Variants in RTN4 observed in about 807,000 individuals in gnomAD.
RTN4 encodes the protein reticulon-4.
A neutral mutation model predicts 90.4 loss-of-function variants in RTN4; 32 were observed. That is an observed-to-expected ratio of 0.35 (90% CI 0.27 to 0.48). The LOEUF (loss-of-function observed/expected upper bound fraction) is 0.48. RTN4 is among the 20% of genes least tolerant of loss of function. The probability of loss-of-function intolerance (pLI) is 0.99; values close to 1 mark genes in which losing one functional copy is unlikely to be tolerated. For synonymous variants in RTN4, 629 were observed against 552.5 expected (o/e 1.14, Z -1.94); for missense variants, 1,706 against 1,430.2 (o/e 1.19, Z -3.11).
chr2:55,037,232 T>C (rs1682753894), intron 1 of RTN4, among the ~76,000 whole-genome samples: 1 of 152,200 alleles, frequency 6.6e-6, no homozygotes, highest in African/African-American at 2.4e-5. Context: ...TTACAGATGA[T>C]CTAAACAACA....
chr2:55,093,353 ATG>A (rs1176927734), intron 1 of RTN4, among the ~76,000 whole-genome samples: 1 of 150,602 alleles, frequency 6.6e-6, no homozygotes, highest in Admixed American at 6.6e-5. Flanking sequence ...ACATAAACAT[ATG>A]TGTGTATTTT....
At chr2:54,973,733 C>CAT in intron 7 of RTN4, 88 bp downstream of exon 7, 1 of 1,495,650 alleles carries the variant, frequency 6.7e-7, no homozygotes, top group African/African-American at 1.4e-5. Context: ...TTTTGTAAGA[C>CAT]ATTGAAAATG....
rs940141557 is a variant in RTN4 at position 55,049,899 on chromosome 2, A to C, written c.402T>G (p.Pro134=). The C allele has an allele frequency of 1.5e-6, 2 of 1,328,844 alleles. No homozygotes were observed. Among genetic ancestry groups the C allele is most frequent in the Non-Finnish European group, 9.6e-7 (1 of 1,044,770 alleles). 82.3% of individuals were successfully genotyped at this position (1,328,844 alleles called of 1,614,324 possible). A position where few individuals can be genotyped will look rare whatever the true frequency, so the allele number is the denominator to read the frequency against. The change falls in exon 1 of 9, where the codon CCT becomes CCG. Residue 134 remains proline (P), a synonymous_variant. Coordinates refer to ENST00000337526, the MANE Select transcript of RTN4 (RefSeq NM_020532.5). ...SAAAVSPSKL[P]EDDEPPARPP... Reference sequence around the variant, plus strand: ...GCCGGGCCGGAGGCTCGTCGTCCTCAGGGAGCTTGGAGGGCGAGACTGCGG... The same window carrying C: ...GCCGGGCCGGAGGCTCGTCGTCCTCCGGGAGCTTGGAGGGCGAGACTGCGG...
chr2:55,129,983 C>T, the RTN4 span, among the ~76,000 whole-genome samples: 1 of 152,212 alleles, frequency 6.6e-6, no homozygotes, highest in African/African-American at 2.4e-5. Flanking sequence ...GCTCTTTGAT[C>T]CTACATTCTA....
At chr2:55,068,519 T>G (rs531350976) in intron 2 of RTN4, among the ~76,000 whole-genome samples, 1 of 152,126 alleles carries the variant, frequency 6.6e-6, no homozygotes, top group African/African-American at 2.4e-5. Flanking sequence ...AAACCCAAAT[T>G]TTATCTTTAA....
At chr2:55,135,617 G>A in the RTN4 span, among the ~76,000 whole-genome samples, 3 of 152,104 alleles carry the variant, frequency 2.0e-5, no homozygotes, top group Admixed American at 1.3e-4. Context: ...ACAATAAACT[G>A]CACAACTTGG....
At chr2:55,136,203 A>C in the RTN4 span, among the ~76,000 whole-genome samples, 1 of 152,232 alleles carries the variant, frequency 6.6e-6, no homozygotes, top group African/African-American at 2.4e-5. Context: ...GCAACAGGGC[A>C]AAGTTTCACT....
At chr2:55,017,269 T>TATATA (rs1177770350) in intron 3 of RTN4, among the ~76,000 whole-genome samples, 2 of 152,170 alleles carry the variant, frequency 1.3e-5, no homozygotes, top group Admixed American at 1.3e-4. Flanking sequence ...ACTCAAAGGC[T>TATATA]ATATATACTT....
intron 3 of RTN4, among the ~76,000 whole-genome samples, chr2:55,011,536 G>A (rs946410808): frequency 2.6e-5 from 4 of 152,074 alleles, no homozygotes; most frequent in Admixed American, 2.0e-4. Context: ...AATACTATAA[G>A]ATACGTAGCC....
At chr2:55,103,543 G>A (rs1024981905) in intron 1 of RTN4, among the ~76,000 whole-genome samples, 6 of 151,948 alleles carry the variant, frequency 3.9e-5, no homozygotes, top group Admixed American at 3.9e-4. Flanking sequence ...AACTTTAGGA[G>A]GTGATGAATA....
intron 5 of RTN4, among the ~76,000 whole-genome samples, chr2:54,977,769 CTA>C: frequency 6.6e-6 from 1 of 152,290 alleles, no homozygotes. Context: ...GTTGCTCACT[CTA>C]TAAATACTTG....
chr2:55,136,299 T>C, the RTN4 span, among the ~76,000 whole-genome samples: 4 of 152,190 alleles, frequency 2.6e-5, no homozygotes, highest in African/African-American at 4.8e-5. Context: ...TAAACACCTG[T>C]GCACACGGCC....
intron 1 of RTN4, among the ~76,000 whole-genome samples, chr2:55,033,603 T>G (rs1485015828): frequency 6.6e-6 from 1 of 152,198 alleles, no homozygotes; most frequent in Non-Finnish European, 1.5e-5. Context: ...ATCGAGTGTT[T>G]TTAACCACAA....
intron 3 of RTN4, among the ~76,000 whole-genome samples, chr2:55,004,671 T>C (rs1434000212): frequency 6.6e-6 from 1 of 152,120 alleles, no homozygotes; most frequent in Non-Finnish European, 1.5e-5. Context: ...GGCTGAACAA[T>C]GGAGTTCTCA....
At chr2:55,085,477 C>T (rs1226394469) in intron 1 of RTN4, among the ~76,000 whole-genome samples, 1 of 152,174 alleles carries the variant, frequency 6.6e-6, no homozygotes, top group African/African-American at 2.4e-5. Context: ...GGCAGAATTT[C>T]TTTCTCCTCA....
intron 2 of RTN4, among the ~76,000 whole-genome samples, chr2:55,063,667 G>T (rs558936943): frequency 6.6e-6 from 1 of 151,948 alleles, no homozygotes; most frequent in Non-Finnish European, 1.5e-5. Context: ...GATCACCTGA[G>T]GTCAGCAGTT....
chr2:55,060,838 T>A (rs1668276698), intron 2 of RTN4: 2 of 152,298 alleles, frequency 1.3e-5, no homozygotes, highest in East Asian at 3.8e-4. Context: ...GAGGATTACT[T>A]GAGCCTACGA....
At chr2:55,118,798 C>T in the RTN4 span, among the ~76,000 whole-genome samples, 3 of 152,182 alleles carry the variant, frequency 2.0e-5, no homozygotes, top group African/African-American at 7.2e-5. Context: ...AGGACGCAAC[C>T]GTTCTGTTCC....
chr2:55,115,862 T>C (rs1043764297), upstream of RTN4, among the ~76,000 whole-genome samples: 2 of 152,182 alleles, frequency 1.3e-5, no homozygotes, highest in Non-Finnish European at 2.9e-5. Context: ...CTTTATGCCA[T>C]CCTCTTATGA....
Sources: gnomAD v4.1 joint callset for allele counts (sites outside exome capture counted in the v4.1 genomes callset) on GRCh38, gnomAD v4.1.1 for gene constraint, MANE v1.5 for transcripts, NCBI Gene and HGNC (gene_info 2026-07-23, HGNC 2026-07-21) for gene names.